ACVR2A: variants seen among roughly 807,000 people sequenced by gnomAD.
ACVR2A encodes activin receptor type-2A.
In ACVR2A, 7 loss-of-function variants were observed where a neutral mutation model predicts 61.4. The observed-to-expected ratio is 0.11, with a 90% CI of 0.06 to 0.21. The LOEUF is 0.21. ACVR2A is among the 10% of genes least tolerant of loss of function. The pLI is 1.00. For synonymous variants in ACVR2A, 193 were observed against 208.3 expected (o/e 0.93, Z 0.63); for missense variants, 322 against 621.7 (o/e 0.52, Z 5.13).
intron 1 of ACVR2A, among the ~76,000 whole-genome samples, chr2:147,867,924 C>T (rs1200468953): frequency 2.0e-5 from 3 of 152,166 alleles, no homozygotes; most frequent in African/African-American, 7.2e-5. Context: ...TTTTGTACTT[C>T]CTGCAATTAC....
At chr2:147,915,066 G>A in intron 4 of ACVR2A, 125 bp from the exon 5 acceptor site, 2 of 841,256 alleles carry the variant, frequency 2.4e-6, no homozygotes, top group South Asian at 1.7e-5. Flanking sequence ...TGAAGTTAAT[G>A]TCATTCATAT....
In ACVR2A at chr2:147,927,432, G is replaced by C. The variant is rs898290924; in HGVS notation, c.*158G>C. The C allele has an allele frequency of 8.7e-6, 6 of 688,390 alleles. No homozygotes were observed. The highest frequency in any genetic ancestry group is 1.4e-5 in the Non-Finnish European group (6 of 434,312). 42.6% of individuals were successfully genotyped at this position (688,390 alleles called of 1,614,324 possible). A position where few individuals can be genotyped will look rare whatever the true frequency, so the allele number is the denominator to read the frequency against. ...TTTGTTGAAAAATGTTGCTCTGGGAGACTTACTGCATTGCCGACAGCACAG... is the reference window on the plus strand; with the variant it reads ...TTTGTTGAAAAATGTTGCTCTGGGACACTTACTGCATTGCCGACAGCACAG... On this transcript the variant is annotated 3_prime_UTR_variant, in exon 11 of 11. Transcript: ENST00000241416.
At chr2:147,894,024 A>G (rs1202972594) in intron 1 of ACVR2A, among the ~76,000 whole-genome samples, 1 of 152,100 alleles carries the variant, frequency 6.6e-6, no homozygotes, top group Non-Finnish European at 1.5e-5. Flanking sequence ...TATGTTTAGA[A>G]TTAATTTTTG....
At chr2:147,895,408 T>C (rs953566114) in intron 1 of ACVR2A, among the ~76,000 whole-genome samples, 1 of 152,150 alleles carries the variant, frequency 6.6e-6, no homozygotes, top group Non-Finnish European at 1.5e-5. Context: ...GTAAATTGTA[T>C]ATCACAGTAA....
In ACVR2A at chr2:147,899,841, A is replaced by G; in HGVS notation, c.471A>G (p.Ala157=). The G allele has an allele frequency of 6.2e-7, 1 of 1,613,650 alleles. No individual in the cohort carries two copies. The highest frequency in any genetic ancestry group is 1.1e-5 in the South Asian group (1 of 91,068). ...TAATTGCGGGGATTGTCATTTGTGC[A>G]TTTTGGGTGTACAGGCATCACAAGA... ...LMLIAGIVIC[A]FWVYRHHKMA... The change falls in exon 4 of 11, where the codon GCA becomes GCG. Residue 157 remains alanine (A), a synonymous_variant. Coordinates refer to ENST00000241416, the MANE Select transcript of ACVR2A (RefSeq NM_001616.5).
At chr2:147,846,081 A>G (rs1346221295) in intron 1 of ACVR2A, among the ~76,000 whole-genome samples, 1 of 152,166 alleles carries the variant, frequency 6.6e-6, no homozygotes, top group Non-Finnish European at 1.5e-5. Flanking sequence ...TATGGTTGCA[A>G]CCAGTGGTTG....
intron 2 of ACVR2A, chr2:147,898,214 A>G: frequency 6.6e-6 from 1 of 152,082 alleles, no homozygotes; most frequent in South Asian, 2.1e-4. Flanking sequence ...TTGTTTTTAT[A>G]CTCTAAATTT....
chr2:147,914,050 G>A (rs1319446977), intron 4 of ACVR2A, among the ~76,000 whole-genome samples: 2 of 151,906 alleles, frequency 1.3e-5, no homozygotes, highest in Admixed American at 6.6e-5. Flanking sequence ...AGTGGCACCA[G>A]TGAGCTGAGT....
chr2:147,880,750 G>A (rs1686279553), intron 1 of ACVR2A, among the ~76,000 whole-genome samples: 1 of 152,092 alleles, frequency 6.6e-6, no homozygotes, highest in African/African-American at 2.4e-5. Flanking sequence ...TTAATACCTA[G>A]GTTGTCAAAG....
At position 147,896,336 on chromosome 2, in the gene ACVR2A, C is replaced by A; in HGVS notation, c.91C>A (p.Leu31Ile). 1 of 1,613,790 alleles carries A rather than the reference C, an allele frequency of 6.2e-7. No homozygotes were observed. The highest frequency in any genetic ancestry group is 1.3e-5 in the African/African-American group (1 of 74,976). ...ILGRSETQECLFFNANWEKDR... is the reference protein window; with the variant it reads ...ILGRSETQECIFFNANWEKDR... The stretch of plus-strand genomic sequence containing the variant: ...TGGTAGATCAGAAACTCAGGAGTGT[C>A]TTTTCTTTAATGCTAATTGGGAAAA... The change falls in exon 2 of 11, where the codon CTT becomes ATT. Residue 31 changes from leucine to isoleucine, a missense_variant. Leu to Ile is a conservative substitution (Grantham distance 5). Transcript: ENST00000241416.
At chr2:147,902,304 T>C (rs1686888170) in intron 4 of ACVR2A, among the ~76,000 whole-genome samples, 1 of 152,004 alleles carries the variant, frequency 6.6e-6, no homozygotes, top group Non-Finnish European at 1.5e-5. Flanking sequence ...CTCCATTTTA[T>C]AGATAGAAAA....
chr2:147,874,143 A>G (rs1286638709), intron 1 of ACVR2A, among the ~76,000 whole-genome samples: 1 of 151,928 alleles, frequency 6.6e-6, no homozygotes, highest in Non-Finnish European at 1.5e-5. Flanking sequence ...GATAGGACCT[A>G]GTGATAGGGA....
intron 1 of ACVR2A, among the ~76,000 whole-genome samples, chr2:147,861,569 A>T (rs1685728314): frequency 6.6e-6 from 1 of 152,210 alleles, no homozygotes; most frequent in South Asian, 2.1e-4. Context: ...TTTGTGTGAC[A>T]GCATGATGCT....
intron 1 of ACVR2A, among the ~76,000 whole-genome samples, chr2:147,871,039 C>T (rs776492624): frequency 2.6e-5 from 4 of 151,982 alleles, no homozygotes; most frequent in Non-Finnish European, 2.9e-5. Context: ...ATTGCAGATT[C>T]CCCAAGGGCA....
intron 1 of ACVR2A, among the ~76,000 whole-genome samples, chr2:147,869,827 C>T (rs17742134): frequency 0.14 from 21,256 of 151,362 alleles, 1,883 homozygotes; most frequent in Middle Eastern, 0.23. Flanking sequence ...ATCTATATAG[C>T]TGGAAAAGTG....
chr2:147,906,317 A>G (rs576550606), intron 4 of ACVR2A, among the ~76,000 whole-genome samples: 24 of 152,190 alleles, frequency 1.6e-4, no homozygotes, highest in African/African-American at 5.1e-4. Context: ...TTGATTGCCT[A>G]TGGTGTGCCA....
chr2:147,911,356 CTGTT>C (rs771319287), intron 4 of ACVR2A, among the ~76,000 whole-genome samples: 31 of 152,220 alleles, frequency 2.0e-4, no homozygotes, highest in African/African-American at 3.1e-4. Context: ...TTACTTTCCT[CTGTT>C]TGTAAGGAAA....
At chr2:147,889,821 T>A (rs970062552) in intron 1 of ACVR2A, among the ~76,000 whole-genome samples, 1 of 145,890 alleles carries the variant, frequency 6.9e-6, no homozygotes, top group Admixed American at 6.8e-5. Flanking sequence ...GTATTGCTAT[T>A]TTTTTTTTAA....
At position 147,929,797 on chromosome 2, in the gene ACVR2A, ATAACTC is replaced by A. The variant is rs1309438414; in HGVS notation, c.*2525_*2530del. On this transcript the variant is annotated 3_prime_UTR_variant, in exon 11 of 11. Coordinates refer to ENST00000241416, the MANE Select transcript of ACVR2A (RefSeq NM_001616.5). ...TTTGGGGCAAACTGAGACCCCCCAA[ATAACTC>A]TTTCCTCATGTGTATGGTGCTCCTC... is the stretch of plus-strand genomic sequence containing the variant. 2 of 152,270 alleles carry A rather than the reference ATAACTC, an allele frequency of 1.3e-5. No homozygotes were observed. The highest frequency in any genetic ancestry group is 2.9e-5 in the Non-Finnish European group (2 of 67,948). 9.4% of individuals were successfully genotyped at this position (152,270 alleles called of 1,614,324 possible).
Sources: gnomAD v4.1 joint callset for allele counts (sites outside exome capture counted in the v4.1 genomes callset) on GRCh38, gnomAD v4.1.1 for gene constraint, MANE v1.5 for transcripts, NCBI Gene and HGNC (gene_info 2026-07-23, HGNC 2026-07-21) for gene names.